The following ITPR1 variants were observed in gnomAD, a reference collection of about 807,000 sequenced individuals.
The protein encoded by ITPR1 is inositol 1,4,5-trisphosphate receptor type 1.
In ITPR1, 96 loss-of-function variants were observed where a neutral mutation model predicts 318.4. That is an observed-to-expected ratio of 0.30 (90% confidence interval 0.26 to 0.36). ITPR1 has a LOEUF of 0.36. ITPR1 is among the 10% of genes least tolerant of loss of function. The pLI is 1.00. For missense variants in ITPR1, 2,440 were observed against 3,460.2 expected, an observed-to-expected ratio of 0.71 and a Z score of 7.40; for synonymous variants, 1,312 against 1,289.9, an observed-to-expected ratio of 1.02 and a Z score of -0.37.
At chr3:4,814,842 G>A in intron 58 of ITPR1, 1 of 598,916 alleles carries the variant, frequency 1.7e-6, no homozygotes, top group South Asian at 2.2e-5. Context: ...AACGCACAGT[G>A]AATATCCCTC....
chr3:4,684,244 T>C, intron 28 of ITPR1, 37 bp from the exon 29 acceptor site: 1 of 1,422,564 alleles, frequency 7.0e-7, no homozygotes, highest in Non-Finnish European at 9.9e-7. Context: ...AGCCCAAGAG[T>C]TGTACAGATC....
At chr3:4,829,954 G>GTTTTTTTT (rs35099159) in intron 60 of ITPR1, among the ~76,000 whole-genome samples, 1 of 27,112 alleles carries the variant, frequency 3.7e-5, no homozygotes, top group African/African-American at 1.2e-4. Flanking sequence ...ATGTATAACA[G>GTTTTTTTT]TTTTTTTTTT....
intron 60 of ITPR1, chr3:4,830,806 T>C (rs1048789474): frequency 1.3e-5 from 5 of 385,440 alleles, no homozygotes; most frequent in Non-Finnish European, 2.6e-5. Context: ...CAAGACCATT[T>C]TTCTAGGACC....
intron 10 of ITPR1, among the ~76,000 whole-genome samples, chr3:4,651,543 C>T (rs1366029350): frequency 6.6e-6 from 1 of 152,218 alleles, no homozygotes; most frequent in East Asian, 1.9e-4. Context: ...AACATGTGAA[C>T]ACAGTTGTTT....
intron 51 of ITPR1, among the ~76,000 whole-genome samples, chr3:4,787,531 C>G (rs1375819311): frequency 1.1e-5 from 1 of 93,636 alleles, no homozygotes; most frequent in Non-Finnish European, 2.2e-5. Context: ...CCTGTCAATA[C>G]TGGAGGAAAA....
At chr3:4,673,597 G>A (rs1229098546) in intron 21 of ITPR1, among the ~76,000 whole-genome samples, 1 of 151,940 alleles carries the variant, frequency 6.6e-6, no homozygotes, top group Non-Finnish European at 1.5e-5. Flanking sequence ...TTGTTTGTTT[G>A]TTTGAGATGG....
chr3:4,693,132 A>G (rs2094505271), intron 32 of ITPR1, among the ~76,000 whole-genome samples: 1 of 152,226 alleles, frequency 6.6e-6, no homozygotes, highest in Non-Finnish European at 1.5e-5. Context: ...CTCAAAAAAA[A>G]TAAATAAGAT....
At chr3:4,677,827 G>A (rs571050899) in intron 24 of ITPR1, among the ~76,000 whole-genome samples, 1 of 151,906 alleles carries the variant, frequency 6.6e-6, no homozygotes, top group South Asian at 2.1e-4. Flanking sequence ...AATTGTAAGA[G>A]CAAAGTCCTT....
chr3:4,606,539 G>A (rs2091715511), intron 4 of ITPR1, among the ~76,000 whole-genome samples: 1 of 152,070 alleles, frequency 6.6e-6, no homozygotes, highest in South Asian at 2.1e-4. Flanking sequence ...ATGATTTTGA[G>A]GACTTTGGTA....
chr3:4,692,172 G>A (rs965603923), intron 32 of ITPR1, among the ~76,000 whole-genome samples: 6 of 150,338 alleles, frequency 4.0e-5, no homozygotes, highest in African/African-American at 7.3e-5. Context: ...AGAGAGAGTC[G>A]GCTCAACCTG....
intron 45 of ITPR1, among the ~76,000 whole-genome samples, chr3:4,767,803 G>A (rs1224187343): frequency 2.6e-5 from 4 of 152,358 alleles, no homozygotes; most frequent in African/African-American, 9.6e-5. Flanking sequence ...TCCAGCCACT[G>A]CGCTGGACTG....
chr3:4,588,533 A>G (rs1479688957), intron 4 of ITPR1, among the ~76,000 whole-genome samples: 4 of 151,900 alleles, frequency 2.6e-5, no homozygotes, highest in Non-Finnish European at 5.9e-5. Flanking sequence ...TCTCACCTCT[A>G]AATGCTGGGC....
chr3:4,744,894 CTCCCTCCTTCCTTCCTTCCTTCCT>C (rs1559817206), intron 44 of ITPR1, among the ~76,000 whole-genome samples: 3 of 112,276 alleles, frequency 2.7e-5, no homozygotes, highest in East Asian at 3.0e-4. Flanking sequence ...CTCTGTCTCC[CTCCCTCCTTCCTTCCTTCCTTCCT>C]TCCTTCCTTC....
intron 59 of ITPR1, among the ~76,000 whole-genome samples, chr3:4,815,877 G>A (rs1006290660): frequency 1.3e-5 from 2 of 151,636 alleles, no homozygotes; most frequent in African/African-American, 4.9e-5. Flanking sequence ...TAAGCTTTTT[G>A]CTTTGGCATA....
At chr3:4,803,191 C>T (rs775137830) in intron 54 of ITPR1, among the ~76,000 whole-genome samples, 7 of 152,130 alleles carry the variant, frequency 4.6e-5, no homozygotes, top group Non-Finnish European at 7.3e-5. Flanking sequence ...ATACTGTATC[C>T]GGGACAGGTG....
rs1243627608 is a variant in ITPR1, at chr3:4,733,013, T to C, written c.5221-75T>C. ...TGGGCCAATTATAACTGAGTACCCC[T>C]GTGTGTTTTGAATATTCGTCCCTCG... On this transcript the variant is annotated intron_variant, in intron 42 of 61. Coordinates refer to ENST00000649015, the MANE Select transcript of ITPR1 (RefSeq NM_001378452.1). 2.8e-6 allele frequency: 4 copies of C among 1,440,862 alleles called. No homozygotes were observed. The East Asian group carries it at 7.2e-5, about 26-fold the overall frequency. The allele number at this position is 1,440,862 out of a possible 1,614,324, so 89.3% of individuals were successfully genotyped here.
intron 39 of ITPR1, among the ~76,000 whole-genome samples, chr3:4,716,297 C>A (rs59713853): frequency 0.22 from 33,300 of 152,022 alleles, 4,358 homozygotes; most frequent in African/African-American, 0.36. Flanking sequence ...AGCCCCTAGA[C>A]CCTGCTTGAG....
intron 51 of ITPR1, among the ~76,000 whole-genome samples, chr3:4,785,459 T>C (rs183684620): frequency 6.6e-5 from 10 of 152,372 alleles, no homozygotes; most frequent in Non-Finnish European, 1.5e-5. Context: ...ATGTTCATGA[T>C]GGAGACTTTT....
intron 14 of ITPR1, among the ~76,000 whole-genome samples, chr3:4,661,558 G>A (rs902924978): frequency 2.6e-5 from 4 of 151,796 alleles, no homozygotes; most frequent in Admixed American, 2.0e-4. Context: ...GGGTCATACA[G>A]TATAAGTAAA....
Sources: allele counts gnomAD v4.1 joint callset (sites outside exome capture counted in the v4.1 genomes callset), GRCh38; gene constraint gnomAD v4.1.1; transcripts MANE v1.5; gene names NCBI Gene and HGNC (gene_info 2026-07-23, HGNC 2026-07-21).